The following GOLGA8A variants were observed in gnomAD, a reference collection of about 807,000 sequenced individuals.
GOLGA8A encodes the protein golgin A8 family member A.
Under a neutral mutation model 22.1 loss-of-function variants are expected in GOLGA8A, and 3 were observed. The observed-to-expected ratio is 0.14, with a 90% CI of 0.06 to 0.35. The LOEUF (loss-of-function observed/expected upper bound fraction) is 0.35. GOLGA8A is among the 10% of genes least tolerant of loss of function. GOLGA8A has a pLI of 1.00. For synonymous variants in GOLGA8A, 7 were observed against 91.7 expected, an observed-to-expected ratio of 0.08 and a Z score of 5.28; for missense variants, 16 against 233.2, an observed-to-expected ratio of 0.07 and a Z score of 6.07.
At chr15:34,384,338 C>CA (rs1162692796) in intron 16 of GOLGA8A, among the ~76,000 whole-genome samples, 1 of 150,310 alleles carries the variant, frequency 6.7e-6, no homozygotes, top group Non-Finnish European at 1.5e-5. Flanking sequence ...CCAGAGGAGA[C>CA]AGTTACTATG....
chr15:34,381,932 C>CA lies in GOLGA8A; in HGVS notation c.1453+35_1453+36insT, dbSNP rs1434891243. On this transcript the variant is annotated intron_variant, in intron 23 of 24. Coordinates refer to ENST00000359187, the MANE Select transcript of GOLGA8A (RefSeq NM_181077.5). ...TGCCCACCCCACCCACACCCCCACC[C>CA]CACCCCCACCCCCACAGGGATGTTG... 163 of 90,438 alleles carry CA rather than the reference C, an allele frequency of 1.8e-3. 1 individual carries two copies. Among genetic ancestry groups the CA allele is most frequent in the African/African-American group, 2.2e-3 (7 of 3,170 alleles). 5.6% of individuals were successfully genotyped at this position (90,438 alleles called of 1,614,324 possible).
At position 34,426,160 on chromosome 15, in the gene GOLGA8A, C is replaced by A. The variant is rs1354941174; in HGVS notation, c.-1123+9223G>T. ...CAAGGGTTTAATGTACGAGACTCCA[C>A]CTGTCAGCATTCTCCGTGAGTGTGA... On this transcript the variant is annotated intron_variant, in intron 2 of 24. Transcript: ENST00000359187. 3.4e-5 allele frequency among the ~76,000 whole-genome samples: 5 copies of A among 149,170 alleles called. 2 individuals carry two copies. Among genetic ancestry groups the A allele is most frequent in the African/African-American group, 1.2e-4 (5 of 40,474 alleles).
intron 2 of GOLGA8A, chr15:34,428,652 G>T (rs1272738322): frequency 6.8e-6 from 1 of 147,752 alleles, no homozygotes; most frequent in African/African-American, 2.5e-5. Flanking sequence ...ACATTATCAC[G>T]TAAGAAATGT....
intron 2 of GOLGA8A, among the ~76,000 whole-genome samples, chr15:34,423,111 C>T (rs547932097): frequency 2.8e-4 from 36 of 126,822 alleles, no homozygotes; most frequent in Admixed American, 2.6e-3. Context: ...CCACGCCTCC[C>T]GGTAGGCTCC....
chr15:34,436,403 C>T (rs1490926571), intron 1 of GOLGA8A, among the ~76,000 whole-genome samples: 3 of 149,896 alleles, frequency 2.0e-5, no homozygotes, highest in African/African-American at 4.9e-5. Flanking sequence ...GGCGCTTCCT[C>T]CACCGCATGC....
chr15:34,434,653 G>C (rs1893413903), intron 2 of GOLGA8A, among the ~76,000 whole-genome samples: 1 of 149,002 alleles, frequency 6.7e-6, no homozygotes, highest in Non-Finnish European at 1.5e-5. Flanking sequence ...CTCCCTGTGG[G>C]CGCTCGGGCC....
intron 2 of GOLGA8A, among the ~76,000 whole-genome samples, chr15:34,423,328 G>A (rs1378378723): frequency 8.1e-6 from 1 of 123,390 alleles, no homozygotes; most frequent in Non-Finnish European, 1.7e-5. Context: ...CCCAAGCCCC[G>A]AGCATCAGTA....
At position 34,381,150 on chromosome 15, in the gene GOLGA8A, G is replaced by C; in HGVS notation, c.*261C>G. On this transcript the variant is annotated 3_prime_UTR_variant, in exon 25 of 25. Coordinates refer to ENST00000359187, the MANE Select transcript of GOLGA8A (RefSeq NM_181077.5). ...ACTCCCACCACGTAAGGGCAAACTC[G>C]ATATGCATGCTAATGACCTACAATT... is the stretch of plus-strand genomic sequence containing the variant. 1.1e-5 allele frequency: 6 copies of C among 556,514 alleles called. No individual in the cohort carries two copies. Among genetic ancestry groups the C allele is most frequent in the Non-Finnish European group, 1.9e-5 (6 of 312,114 alleles). The allele number at this position is 556,514 out of a possible 1,614,324, so 34.5% of individuals were successfully genotyped here. A position where few individuals can be genotyped will look rare whatever the true frequency, so the allele number is the denominator to read the frequency against.
chr15:34,432,802 G>C (rs896949348), intron 2 of GOLGA8A, among the ~76,000 whole-genome samples: 4 of 148,928 alleles, frequency 2.7e-5, no homozygotes, highest in African/African-American at 7.5e-5. Context: ...TTAGAGTTTA[G>C]AGTTTATGAC....
In GOLGA8A at chr15:34,381,105, G is replaced by A. The variant is rs1891465193; in HGVS notation, c.*306C>T. Reference sequence around the variant, plus strand: ...CAGCGAGAACAGTTTTGTGCAAAGAGTGGGTCTTTGTGTGTTTGAACTCCC... The same window carrying A: ...CAGCGAGAACAGTTTTGTGCAAAGAATGGGTCTTTGTGTGTTTGAACTCCC... On this transcript the variant is annotated 3_prime_UTR_variant, in exon 25 of 25. Transcript: ENST00000359187. The A allele has an allele frequency of 2.2e-6, 1 of 462,088 alleles. No individual in the cohort carries two copies. Among genetic ancestry groups the A allele is most frequent in the South Asian group, 2.1e-5 (1 of 47,194 alleles). 28.6% of individuals were successfully genotyped at this position (462,088 alleles called of 1,614,324 possible).
chr15:34,418,682 T>C (rs1892672085), intron 2 of GOLGA8A: 1 of 146,278 alleles, frequency 6.8e-6, no homozygotes. Context: ...ACATGGCACA[T>C]TTGTGGTTAA....
intron 2 of GOLGA8A, chr15:34,420,278 C>A (rs1268030584): frequency 6.9e-6 from 1 of 144,556 alleles, no homozygotes; most frequent in Non-Finnish European, 1.5e-5. Flanking sequence ...AGTGTAAAAT[C>A]AACAATCTCA....
intron 2 of GOLGA8A, among the ~76,000 whole-genome samples, chr15:34,431,331 A>ATCTCTC (rs1435309982): frequency 1.9e-5 from 1 of 52,940 alleles, no homozygotes; most frequent in African/African-American, 5.8e-5. Flanking sequence ...ATATATATAT[A>ATCTCTC]TATATATATA....
rs1892955592 is a variant in GOLGA8A at position 34,425,667 on chromosome 15, G to A, written c.-1123+9716C>T. ...AATTCAAAGGACAAGTGGCATCTGA[G>A]AGAAAATATCCGCAATATATATAGA... On this transcript the variant is annotated intron_variant, in intron 2 of 24. Coordinates refer to ENST00000359187, the MANE Select transcript of GOLGA8A (RefSeq NM_181077.5). Among the ~76,000 whole-genome samples, 8 of 145,100 alleles carry A rather than the reference G, an allele frequency of 5.5e-5. 1 individual carries two copies. The South Asian group carries it at 1.9e-3, about 34-fold the overall frequency.
Position 34,434,183 on chromosome 15 carries a change from A to G in GOLGA8A, c.-1123+1200T>C, listed in dbSNP as rs1256941565. ...GGAGCCAGGAGAGCCTGGAGGGGCCATTCTTGGGAGCGAGCGGGGGAACTT... is the reference window on the plus strand; with the variant it reads ...GGAGCCAGGAGAGCCTGGAGGGGCCGTTCTTGGGAGCGAGCGGGGGAACTT... On this transcript the variant is annotated intron_variant, in intron 2 of 24. Coordinates refer to ENST00000359187, the MANE Select transcript of GOLGA8A (RefSeq NM_181077.5). Among the ~76,000 whole-genome samples the G allele has an allele frequency of 3.3e-5, 5 of 149,488 alleles. 1 individual carries two copies. Among genetic ancestry groups the G allele is most frequent in the Admixed American group, 6.7e-5 (1 of 14,868 alleles).
At chr15:34,431,394 TA>T (rs1382840006) in intron 2 of GOLGA8A, among the ~76,000 whole-genome samples, 1 of 144,440 alleles carries the variant, frequency 6.9e-6, no homozygotes, top group Non-Finnish European at 1.5e-5. Flanking sequence ...TATATATGTA[TA>T]TATATATCAC....
intron 2 of GOLGA8A, chr15:34,418,130 T>TTAAAAA (rs756695001): frequency 1.8e-4 from 11 of 62,768 alleles, no homozygotes; most frequent in African/African-American, 3.9e-4. Flanking sequence ...GTAGATTCTT[T>TTAAAAA]AAAAAAAAAA....
chr15:34,424,852 A>C (rs1392496219), intron 2 of GOLGA8A, among the ~76,000 whole-genome samples: 2 of 134,940 alleles, frequency 1.5e-5, no homozygotes, highest in African/African-American at 2.8e-5. Flanking sequence ...GTAATCCCAG[A>C]ACTTTGGGAG....
At position 34,380,634 on chromosome 15, in the gene GOLGA8A, C is replaced by T. The variant is rs77038074; in HGVS notation, c.*777G>A. ...AAAAGAGTGCAACTGCTGCAGCTCA[C>T]GATGCAATATCTTCATGAGCCCAGA... On this transcript the variant is annotated 3_prime_UTR_variant, in exon 25 of 25. Coordinates refer to ENST00000359187, the MANE Select transcript of GOLGA8A (RefSeq NM_181077.5). The T allele has an allele frequency of 0.079, 12,128 of 152,568 alleles. 630 individuals are homozygous for T. Among genetic ancestry groups the T allele is most frequent in the East Asian group, 0.17 (897 of 5,168 alleles). 9.5% of individuals were successfully genotyped at this position (152,568 alleles called of 1,614,324 possible).
Sources: allele counts gnomAD v4.1 joint callset (sites outside exome capture counted in the v4.1 genomes callset), GRCh38; gene constraint gnomAD v4.1.1; transcripts MANE v1.5; gene names NCBI Gene and HGNC (gene_info 2026-07-23, HGNC 2026-07-21).